Variants in ERI3 observed in about 807,000 individuals in gnomAD.
ERI3 encodes ERI1 exoribonuclease 3.
ERI3 carries 18 observed loss-of-function variants against 44.4 expected under a neutral mutation model. The ratio of observed to expected loss-of-function variants is 0.41; its 90% CI spans 0.28 to 0.60. The LOEUF is 0.60. Among genes scored for constraint, ERI3 ranks in the 20% least tolerant of loss-of-function variants. The probability of loss-of-function intolerance (pLI) is 0.36; values close to 1 mark genes in which losing one functional copy is unlikely to be tolerated. For synonymous variants in ERI3, 183 were observed against 164.8 expected (o/e 1.11, Z -0.84); for missense variants, 294 against 435.5 (o/e 0.68, Z 2.89).
intron 8 of ERI3, among the ~76,000 whole-genome samples, chr1:44,233,936 G>A (rs899234509): frequency 6.6e-5 from 10 of 152,106 alleles, no homozygotes; most frequent in African/African-American, 2.4e-4. Context: ...TATGACTCAT[G>A]AGGATGAAGC....
intron 2 of ERI3, among the ~76,000 whole-genome samples, chr1:44,341,261 T>C (rs775979410): frequency 2.6e-5 from 4 of 152,184 alleles, no homozygotes; most frequent in Admixed American, 6.5e-5. Context: ...ACAATAACAA[T>C]AGCACCTACT....
At chr1:44,297,556 C>T (rs1364155449) in intron 6 of ERI3, among the ~76,000 whole-genome samples, 1 of 152,106 alleles carries the variant, frequency 6.6e-6, no homozygotes, top group Non-Finnish European at 1.5e-5. Context: ...AGCCCCAGTT[C>T]AGGAGCATAG....
chr1:44,285,025 T>G (rs1353858545), intron 6 of ERI3, 118 bp from the exon 7 acceptor site: 1 of 814,810 alleles, frequency 1.2e-6, no homozygotes, highest in African/African-American at 1.7e-5. Context: ...GGTCAACCCA[T>G]TAGCCATGGG....
chr1:44,225,314 C>T (rs1031540232), intron 8 of ERI3, among the ~76,000 whole-genome samples: 7 of 152,136 alleles, frequency 4.6e-5, no homozygotes, highest in African/African-American at 1.7e-4. Flanking sequence ...TGCTCTGTTG[C>T]CCAGGCTGGA....
chr1:44,314,678 G>C (rs181415349), intron 4 of ERI3, among the ~76,000 whole-genome samples: 1 of 152,276 alleles, frequency 6.6e-6, no homozygotes, highest in East Asian at 1.9e-4. Context: ...TGGGAGTGGG[G>C]AAGTGCCCTC....
At chr1:44,232,852 C>T (rs538491427) in intron 8 of ERI3, among the ~76,000 whole-genome samples, 2 of 152,070 alleles carry the variant, frequency 1.3e-5, no homozygotes, top group Non-Finnish European at 2.9e-5. Flanking sequence ...TATTATACAG[C>T]GGTTCTATAA....
intron 7 of ERI3, among the ~76,000 whole-genome samples, chr1:44,272,088 C>T (rs573704168): frequency 3.0e-4 from 46 of 152,294 alleles, no homozygotes; most frequent in African/African-American, 1.0e-3. Context: ...GTACCAGGGA[C>T]AAGCGAAGGG....
At chr1:44,327,399 T>A (rs183334876) in intron 3 of ERI3, among the ~76,000 whole-genome samples, 1 of 152,232 alleles carries the variant, frequency 6.6e-6, no homozygotes, top group South Asian at 2.1e-4. Flanking sequence ...ATCAGAATAA[T>A]ACTAGTACTA....
In ERI3 at chr1:44,308,780, G is replaced by A. The variant is rs141848394; in HGVS notation, c.667-379C>T. 2.2e-3 allele frequency among the ~76,000 whole-genome samples: 341 copies of A among 152,324 alleles called. 1 individual carries two copies. Among genetic ancestry groups the A allele is most frequent in the South Asian group, 0.014 (67 of 4,826 alleles). The stretch of plus-strand genomic sequence containing the variant: ...GGGGCATCAGAACAGGGTAGTAGGA[G>A]GCCCCAAACAGGAGCTCCAACCCAC... On this transcript the variant is annotated intron_variant, in intron 5 of 8. Coordinates refer to ENST00000372257, the MANE Select transcript of ERI3 (RefSeq NM_024066.3).
chr1:44,247,816 T>A, intron 8 of ERI3, 123 bp downstream of exon 8: 1 of 576,316 alleles, frequency 1.7e-6, no homozygotes, highest in Non-Finnish European at 2.9e-6. Flanking sequence ...TCCCCCCACC[T>A]ATGTAGAGAG....
At chr1:44,266,560 T>G (rs1369175770) in intron 7 of ERI3, among the ~76,000 whole-genome samples, 1 of 152,230 alleles carries the variant, frequency 6.6e-6, no homozygotes, top group Non-Finnish European at 1.5e-5. Context: ...TTTAAATCCT[T>G]AAGTCCTTCT....
chr1:44,240,426 C>G (rs776643530), intron 8 of ERI3, among the ~76,000 whole-genome samples: 1 of 152,074 alleles, frequency 6.6e-6, no homozygotes, highest in Non-Finnish European at 1.5e-5. Flanking sequence ...TGGATCCAGG[C>G]GTGGTGACAT....
intron 7 of ERI3, among the ~76,000 whole-genome samples, chr1:44,258,637 C>T (rs1218725672): frequency 6.6e-6 from 1 of 152,146 alleles, no homozygotes; most frequent in Non-Finnish European, 1.5e-5. Flanking sequence ...ATTTGCAAAA[C>T]AACACTGAAG....
intron 7 of ERI3, among the ~76,000 whole-genome samples, chr1:44,282,373 C>T (rs1239258420): frequency 6.6e-6 from 1 of 152,086 alleles, no homozygotes; most frequent in Non-Finnish European, 1.5e-5. Flanking sequence ...AAGGGGGAAA[C>T]ACAAAGTAAG....
intron 7 of ERI3, among the ~76,000 whole-genome samples, chr1:44,261,617 T>A (rs1392965845): frequency 6.6e-6 from 1 of 152,254 alleles, no homozygotes; most frequent in Non-Finnish European, 1.5e-5. Context: ...AGAGCCGCTC[T>A]GAGGAGAGCT....
At chr1:44,243,199 G>A (rs1196147321) in intron 8 of ERI3, among the ~76,000 whole-genome samples, 1 of 152,202 alleles carries the variant, frequency 6.6e-6, no homozygotes, top group Non-Finnish European at 1.5e-5. Flanking sequence ...GCAAGCTCTT[G>A]AGAGTCCACT....
intron 5 of ERI3, among the ~76,000 whole-genome samples, chr1:44,310,962 C>CGCGT (rs1352387344): frequency 9.8e-5 from 8 of 81,508 alleles, no homozygotes; most frequent in Admixed American, 1.5e-4. Context: ...CGCGCGCGCG[C>CGCGT]GCACACACAC....
intron 4 of ERI3, among the ~76,000 whole-genome samples, chr1:44,316,637 T>C (rs1330221671): frequency 1.3e-5 from 2 of 152,238 alleles, no homozygotes; most frequent in African/African-American, 4.8e-5. Context: ...CACTTGTCTC[T>C]GGTGTGCAAT....
At chr1:44,354,015 T>C (rs1344138121) in intron 1 of ERI3, 1 of 985,198 alleles carries the variant, frequency 1.0e-6, no homozygotes, top group East Asian at 1.1e-4. Flanking sequence ...TCAGGTATAA[T>C]AAACTAAGCT....
Sources: allele counts gnomAD v4.1 joint callset (sites outside exome capture counted in the v4.1 genomes callset), GRCh38; gene constraint gnomAD v4.1.1; transcripts MANE v1.5; gene names NCBI Gene and HGNC (gene_info 2026-07-23, HGNC 2026-07-21).